The following SERINC5 variants were observed in gnomAD, a reference collection of about 807,000 sequenced individuals.
The protein encoded by SERINC5 is chromosome 5 open reading frame 12.
In SERINC5, 41 loss-of-function variants were observed where a neutral mutation model predicts 63.1. The ratio of observed to expected loss-of-function variants is 0.65; its 90% CI spans 0.51 to 0.84. The LOEUF (loss-of-function observed/expected upper bound fraction) is 0.84. Among genes scored for constraint, SERINC5 ranks in the 40% least tolerant of loss-of-function variants. The probability of loss-of-function intolerance (pLI) is 0.00; values close to 1 mark genes in which losing one functional copy is unlikely to be tolerated. For missense variants in SERINC5, 523 were observed against 573.0 expected (o/e 0.91, Z 0.89); for synonymous variants, 222 against 215.2 (o/e 1.03, Z -0.28).
downstream of SERINC5, among the ~76,000 whole-genome samples, chr5:80,137,250 T>C (rs1275276927): frequency 6.0e-5 from 9 of 149,694 alleles, no homozygotes. Flanking sequence ...GGGAATGACA[T>C]CAGTATGTCA....
chr5:80,190,636 A>G (rs965631825), intron 2 of SERINC5, among the ~76,000 whole-genome samples: 6 of 152,338 alleles, frequency 3.9e-5, no homozygotes, highest in African/African-American at 1.4e-4. Context: ...TGTATGCACA[A>G]AACTATGCTC....
intron 1 of SERINC5, among the ~76,000 whole-genome samples, chr5:80,221,421 A>G (rs987498048): frequency 2.0e-5 from 3 of 152,316 alleles, no homozygotes; most frequent in African/African-American, 4.8e-5. Flanking sequence ...CGACTTCAAT[A>G]TAACAGATAA....
chr5:80,188,523 A>G (rs1288721080), intron 2 of SERINC5, among the ~76,000 whole-genome samples: 1 of 151,898 alleles, frequency 6.6e-6, no homozygotes, highest in Non-Finnish European at 1.5e-5. Flanking sequence ...CCATTATTCT[A>G]CATTCATTAT....
intron 8 of SERINC5, among the ~76,000 whole-genome samples, chr5:80,151,876 G>A (rs1247815324): frequency 6.6e-6 from 1 of 152,150 alleles, no homozygotes; most frequent in African/African-American, 2.4e-5. Flanking sequence ...GTCTGCTCAT[G>A]GAAAGGTGGG....
chr5:80,208,242 C>T (rs540176207), intron 1 of SERINC5, among the ~76,000 whole-genome samples: 4 of 151,976 alleles, frequency 2.6e-5, no homozygotes, highest in African/African-American at 7.2e-5. Context: ...GTAGGTTCAT[C>T]GATTCTAACA....
At chr5:80,186,843 G>C (rs532742901) in intron 2 of SERINC5, among the ~76,000 whole-genome samples, 6 of 152,070 alleles carry the variant, frequency 3.9e-5, no homozygotes, top group Non-Finnish European at 7.4e-5. Context: ...TTGTGTAATC[G>C]TGTTACTTGA....
intron 1 of SERINC5, among the ~76,000 whole-genome samples, chr5:80,228,068 GAA>G (rs535973486): frequency 7.6e-6 from 1 of 131,538 alleles, no homozygotes; most frequent in African/African-American, 2.8e-5. Flanking sequence ...CAAATAATAT[GAA>G]AAAAAAAAAA....
intron 11 of SERINC5, among the ~76,000 whole-genome samples, chr5:80,127,684 T>A (rs1260323634): frequency 6.6e-6 from 1 of 152,146 alleles, no homozygotes; most frequent in Non-Finnish European, 1.5e-5. Context: ...GACTTTAAAC[T>A]TGTGTTAATT....
At chr5:80,198,239 C>G (rs1413056336) in intron 2 of SERINC5, among the ~76,000 whole-genome samples, 1 of 152,088 alleles carries the variant, frequency 6.6e-6, no homozygotes, top group East Asian at 1.9e-4. Flanking sequence ...ATAAATAGCC[C>G]TTATGTTTTG....
rs1320471623 is a variant in SERINC5 at position 80,216,419 on chromosome 5, T to C, written c.28-13366A>G. Reference sequence around the variant, plus strand: ...CAGTCAGACTGTGGGGTTCACCACCTTCAGTCTGAACACAGGAGAGCATGC... The same window carrying C: ...CAGTCAGACTGTGGGGTTCACCACCCTCAGTCTGAACACAGGAGAGCATGC... On this transcript the variant is annotated intron_variant, in intron 1 of 11. Transcript: ENST00000507668. Among the ~76,000 whole-genome samples, 7 of 152,314 alleles carry C rather than the reference T, an allele frequency of 4.6e-5. No individual in the cohort carries two copies. In the East Asian group the frequency reaches 1.4e-3, roughly 29 times the overall value.
intron 11 of SERINC5, among the ~76,000 whole-genome samples, chr5:80,126,014 A>G (rs1580022865): frequency 2.6e-5 from 4 of 152,336 alleles, no homozygotes; most frequent in Admixed American, 2.0e-4. Context: ...TGAGGAGCTC[A>G]TGAGTCATCC....
At chr5:80,206,931 CCAT>C (rs1321816947) in intron 1 of SERINC5, among the ~76,000 whole-genome samples, 8 of 151,414 alleles carry the variant, frequency 5.3e-5, no homozygotes, top group Non-Finnish European at 1.2e-4. Flanking sequence ...GCACAGGACA[CCAT>C]GATACCATGC....
chr5:80,186,532 A>G (rs1440498862), intron 2 of SERINC5, among the ~76,000 whole-genome samples: 1 of 152,198 alleles, frequency 6.6e-6, no homozygotes, highest in Non-Finnish European at 1.5e-5. Context: ...CCTAGCCACC[A>G]TCCAGAAGAA....
At chr5:80,184,002 T>C (rs1580129451) in intron 2 of SERINC5, among the ~76,000 whole-genome samples, 1 of 152,174 alleles carries the variant, frequency 6.6e-6, no homozygotes, top group Non-Finnish European at 1.5e-5. Context: ...TGAAACAGCA[T>C]GGTTAAAATT....
intron 1 of SERINC5, among the ~76,000 whole-genome samples, chr5:80,204,729 C>T (rs1364610056): frequency 6.6e-6 from 1 of 151,878 alleles, no homozygotes. Flanking sequence ...GTGGGAAGAA[C>T]ATGAAAAACA....
At chr5:80,240,414 A>G (rs144135586) in intron 1 of SERINC5, among the ~76,000 whole-genome samples, 123 of 152,338 alleles carry the variant, frequency 8.1e-4, no homozygotes, top group Middle Eastern at 3.4e-3. Flanking sequence ...TTATAAAACT[A>G]TATCATTTTT....
At chr5:80,217,811 A>C (rs866643829) in intron 1 of SERINC5, among the ~76,000 whole-genome samples, 1 of 152,190 alleles carries the variant, frequency 6.6e-6, no homozygotes, top group Non-Finnish European at 1.5e-5. Context: ...CAAAACCTGC[A>C]CTGGAAGTCC....
intron 11 of SERINC5, among the ~76,000 whole-genome samples, chr5:80,119,855 C>T (rs1744475450): frequency 6.6e-6 from 1 of 152,174 alleles, no homozygotes; most frequent in Non-Finnish European, 1.5e-5. Context: ...TTTTAAATAA[C>T]CCCCTTTGGT....
intron 1 of SERINC5, among the ~76,000 whole-genome samples, chr5:80,226,114 G>A (rs1334873523): frequency 2.6e-5 from 4 of 151,504 alleles, no homozygotes; most frequent in Admixed American, 6.6e-5. Context: ...GTTGGAGTGC[G>A]GTAGCACGAT....
Sources: allele counts gnomAD v4.1 joint callset (sites outside exome capture counted in the v4.1 genomes callset), GRCh38; gene constraint gnomAD v4.1.1; transcripts MANE v1.5; gene names NCBI Gene and HGNC (gene_info 2026-07-23, HGNC 2026-07-21).